SAMD5: variants seen among roughly 807,000 people sequenced by gnomAD.
SAMD5 encodes the protein sterile alpha motif domain containing 5.
A neutral mutation model predicts 11.3 loss-of-function variants in SAMD5; 13 were observed. The observed-to-expected ratio is 1.15, with a 90% CI of 0.75 to 1.83. SAMD5 has a LOEUF of 1.83. SAMD5 is among the 40% of genes most tolerant of loss of function. SAMD5 has a pLI of 0.00. For synonymous variants in SAMD5, 129 were observed against 111.3 expected (o/e 1.16, Z -1.00); for missense variants, 255 against 239.1 (o/e 1.07, Z -0.44).
intron 1 of SAMD5, among the ~76,000 whole-genome samples, chr6:147,686,082 G>A (rs973527429): frequency 3.9e-5 from 6 of 152,236 alleles, no homozygotes; most frequent in East Asian, 3.9e-4. Context: ...TTTATTGACC[G>A]TACGGATGTA....
At chr6:147,680,592 C>A (rs565702596) in intron 1 of SAMD5, among the ~76,000 whole-genome samples, 27 of 152,064 alleles carry the variant, frequency 1.8e-4, no homozygotes, top group Admixed American at 3.3e-4. Flanking sequence ...TGTACTTAAT[C>A]TTAGGTGGAA....
chr6:147,945,774 A>G, the SAMD5 span, among the ~76,000 whole-genome samples: 1 of 152,168 alleles, frequency 6.6e-6, no homozygotes, highest in Admixed American at 6.6e-5. Flanking sequence ...CCAATCTATC[A>G]TGTCCCCTCA....
chr6:147,740,288 T>C (rs942980543), downstream of SAMD5, among the ~76,000 whole-genome samples: 3 of 152,236 alleles, frequency 2.0e-5, no homozygotes, highest in African/African-American at 4.8e-5. Flanking sequence ...GATGGTTCTC[T>C]ACTGCTCAAA....
At chr6:147,530,489 G>C (rs914292582) in intron 1 of SAMD5, among the ~76,000 whole-genome samples, 2 of 152,224 alleles carry the variant, frequency 1.3e-5, no homozygotes, top group African/African-American at 4.8e-5. Flanking sequence ...AGCCGGCATT[G>C]CCCTCTGGGG....
the SAMD5 span, chr6:147,947,496 C>T: frequency 6.6e-6 from 1 of 152,108 alleles, no homozygotes; most frequent in Non-Finnish European, 1.5e-5. Flanking sequence ...ATCTTCATTG[C>T]TTCAGGGAGT....
At chr6:147,545,170 T>G (rs574630474) in intron 1 of SAMD5, among the ~76,000 whole-genome samples, 12 of 152,352 alleles carry the variant, frequency 7.9e-5, no homozygotes, top group South Asian at 2.1e-4. Context: ...GCTATTAAGC[T>G]GCTTATTAGT....
At chr6:147,709,785 T>G (rs1473559063) in intron 1 of SAMD5, among the ~76,000 whole-genome samples, 1 of 152,160 alleles carries the variant, frequency 6.6e-6, no homozygotes, top group Non-Finnish European at 1.5e-5. Flanking sequence ...GAGGAGATAA[T>G]AAAAATTCTA....
intron 1 of SAMD5, among the ~76,000 whole-genome samples, chr6:147,613,052 T>G (rs907187647): frequency 6.6e-6 from 1 of 151,984 alleles, no homozygotes; most frequent in African/African-American, 2.4e-5. Flanking sequence ...TACAAAAAAA[T>G]TAGCCATGTG....
chr6:147,744,113 T>G, the SAMD5 span, among the ~76,000 whole-genome samples: 1 of 152,190 alleles, frequency 6.6e-6, no homozygotes, highest in South Asian at 2.1e-4. Flanking sequence ...CAGCACTGAC[T>G]GCAAAAATGG....
the SAMD5 span, among the ~76,000 whole-genome samples, chr6:147,922,260 T>A: frequency 1.3e-5 from 2 of 152,132 alleles, no homozygotes; most frequent in Admixed American, 6.6e-5. Context: ...AGCAAACCGA[T>A]TTCCACTGCT....
chr6:147,763,877 G>T, the SAMD5 span, among the ~76,000 whole-genome samples: 1 of 152,176 alleles, frequency 6.6e-6, no homozygotes, highest in Non-Finnish European at 1.5e-5. Flanking sequence ...CCACAATATT[G>T]ATTTTTAAAG....
At chr6:147,922,249 G>C in the SAMD5 span, among the ~76,000 whole-genome samples, 4 of 152,010 alleles carry the variant, frequency 2.6e-5, no homozygotes, top group Non-Finnish European at 4.4e-5. Flanking sequence ...TCCATGCCGT[G>C]AGCAAACCGA....
At chr6:147,836,661 T>C in the SAMD5 span, among the ~76,000 whole-genome samples, 1 of 152,326 alleles carries the variant, frequency 6.6e-6, no homozygotes, top group East Asian at 1.9e-4. Context: ...ATTACTTCTG[T>C]ACCATAGTAA....
At position 147,510,358 on chromosome 6, in the gene SAMD5, G is replaced by A. The variant is rs1788069725; in HGVS notation, c.459+971G>A. ...AGTTCAGGCGGCTGTCGGAGTAGAG[G>A]GTCCTGACTTGATAGAGAAGTAGAC... is the stretch of plus-strand genomic sequence containing the variant. On this transcript the variant is annotated intron_variant, in intron 1 of 1. Transcript: ENST00000367474. Among the ~76,000 whole-genome samples, 4 of 152,170 alleles carry A rather than the reference G, an allele frequency of 2.6e-5. No individual in the cohort carries two copies. In the South Asian group the frequency reaches 8.3e-4, roughly 31 times the overall value.
downstream of SAMD5, among the ~76,000 whole-genome samples, chr6:147,574,060 G>A (rs866925268): frequency 6.1e-4 from 93 of 151,942 alleles, no homozygotes; most frequent in African/African-American, 2.2e-3. Flanking sequence ...CCCAGGAGGC[G>A]GAGCTTGCAG....
chr6:147,651,960 A>AC (rs35097501), intron 1 of SAMD5, among the ~76,000 whole-genome samples: 62,627 of 151,812 alleles, frequency 0.41, 14,906 homozygotes, highest in Middle Eastern at 0.54. Context: ...CTCAACACCA[A>AC]CCCCCGCATT....
chr6:147,799,342 G>A, the SAMD5 span, among the ~76,000 whole-genome samples: 1 of 151,856 alleles, frequency 6.6e-6, no homozygotes, highest in Non-Finnish European at 1.5e-5. Context: ...TAGTTTGGCT[G>A]GATATGAAAT....
At chr6:147,664,231 C>T (rs1440840987) in intron 1 of SAMD5, among the ~76,000 whole-genome samples, 1 of 152,160 alleles carries the variant, frequency 6.6e-6, no homozygotes, top group African/African-American at 2.4e-5. Context: ...GCCCCTCCCC[C>T]ATTTCCACTA....
Position 147,566,117 on chromosome 6 carries a change from GT to G in SAMD5, c.*1664del. On this transcript the variant is annotated 3_prime_UTR_variant, in exon 2 of 2. Transcript: ENST00000367474. Reference sequence around the variant, plus strand: ...CACAATACTGCTTTAAAAATCTGAAGTTTAAATAGTTTAGCTATTTCTGTAG... The same window carrying G: ...CACAATACTGCTTTAAAAATCTGAAGTTAAATAGTTTAGCTATTTCTGTAG... 1 of 982,024 alleles carries G rather than the reference GT, an allele frequency of 1.0e-6. No homozygotes were observed. Among genetic ancestry groups the G allele is most frequent in the Non-Finnish European group, 1.2e-6 (1 of 826,904 alleles). The allele number at this position is 982,024 out of a possible 1,614,324, so 60.8% of individuals were successfully genotyped here.
Sources: gnomAD v4.1 joint callset for allele counts (sites outside exome capture counted in the v4.1 genomes callset) on GRCh38, gnomAD v4.1.1 for gene constraint, MANE v1.5 for transcripts, NCBI Gene and HGNC (gene_info 2026-07-23, HGNC 2026-07-21) for gene names.